The following LTBP1 variants were observed in gnomAD, a reference collection of about 807,000 sequenced individuals.
The protein encoded by LTBP1 is latent transforming growth factor beta binding protein 1.
Under a neutral mutation model 207.6 loss-of-function variants are expected in LTBP1, and 129 were observed. The ratio of observed to expected loss-of-function variants is 0.62; its 90% confidence interval spans 0.54 to 0.72. LTBP1 has a LOEUF of 0.72. Ranked by LOEUF, LTBP1 falls within the 30% of genes least tolerant of loss-of-function variation. LTBP1 has a pLI of 0.00. For missense variants in LTBP1, 2,281 were observed against 2,217.2 expected (o/e 1.03, Z -0.58); for synonymous variants, 963 against 833.7 (o/e 1.16, Z -2.67).
At chr2:33,202,022 A>AACACACACACAGACACACACACACACAC (rs1315145413) in intron 7 of LTBP1, among the ~76,000 whole-genome samples, 89 of 140,666 alleles carry the variant, frequency 6.3e-4, no homozygotes, top group Middle Eastern at 3.5e-3. Flanking sequence ...TTAGCACTGG[A>AACACACACACAGACACACACACACACAC]ACACACACAC....
intron 3 of LTBP1, among the ~76,000 whole-genome samples, chr2:33,065,121 G>A (rs1008818050): frequency 2.6e-5 from 4 of 152,178 alleles, no homozygotes; most frequent in Admixed American, 1.3e-4. Flanking sequence ...ATGAAGGCTT[G>A]TTGTATTTGC....
chr2:33,038,865 A>G (rs1361238911), intron 3 of LTBP1, among the ~76,000 whole-genome samples: 1 of 152,164 alleles, frequency 6.6e-6, no homozygotes, highest in African/African-American at 2.4e-5. Context: ...TCATCTAACC[A>G]GTGGCCAGTG....
chr2:33,373,149 T>C (rs1191441527), intron 31 of LTBP1, among the ~76,000 whole-genome samples: 1 of 152,216 alleles, frequency 6.6e-6, no homozygotes, highest in Non-Finnish European at 1.5e-5. Context: ...GAATGCCACC[T>C]ATTGGCGATG....
At chr2:33,361,619 T>C in intron 28 of LTBP1, 104 bp downstream of exon 28, 2 of 736,168 alleles carry the variant, frequency 2.7e-6, no homozygotes, top group Non-Finnish European at 4.4e-6. Flanking sequence ...TTTTTAGTCA[T>C]GAAAACTGAT....
At chr2:33,280,716 A>G (rs948042546) in intron 19 of LTBP1, among the ~76,000 whole-genome samples, 2 of 152,182 alleles carry the variant, frequency 1.3e-5, no homozygotes, top group Non-Finnish European at 2.9e-5. Context: ...AACTCTGAAT[A>G]TGTGAGTTAA....
chr2:33,285,275 C>G (rs144421896), intron 19 of LTBP1, among the ~76,000 whole-genome samples: 342 of 151,548 alleles, frequency 2.3e-3, no homozygotes, highest in African/African-American at 7.5e-3. Flanking sequence ...CTCCTGACCT[C>G]AGGTGATCCA....
chr2:33,053,481 C>T (rs1305117105), intron 3 of LTBP1, among the ~76,000 whole-genome samples: 1 of 151,980 alleles, frequency 6.6e-6, no homozygotes, highest in East Asian at 1.9e-4. Flanking sequence ...TGACAGCGTG[C>T]TGGCAGCCCT....
chr2:33,259,113 G>T (rs1267264497), intron 12 of LTBP1, among the ~76,000 whole-genome samples: 1 of 152,180 alleles, frequency 6.6e-6, no homozygotes, highest in Non-Finnish European at 1.5e-5. Flanking sequence ...AATACATCAA[G>T]AATGCAGCAC....
chr2:33,029,400 C>T (rs528688803), intron 3 of LTBP1, among the ~76,000 whole-genome samples: 50 of 152,250 alleles, frequency 3.3e-4, no homozygotes, highest in Non-Finnish European at 5.7e-4. Context: ...TCTCTTGAAC[C>T]CGAGAGGTGG....
intron 3 of LTBP1, among the ~76,000 whole-genome samples, chr2:33,106,481 T>G (rs218222): frequency 0.54 from 81,960 of 152,128 alleles, 24,100 homozygotes; most frequent in South Asian, 0.7. Context: ...CACTGCTTTA[T>G]TTATGGGCTA....
intron 7 of LTBP1, among the ~76,000 whole-genome samples, chr2:33,214,216 C>G (rs1048637025): frequency 1.3e-5 from 2 of 152,172 alleles, no homozygotes; most frequent in Non-Finnish European, 1.5e-5. Context: ...CAGGTTGCAA[C>G]GGTGGGGACC....
chr2:33,310,093 G>A (rs559167709), intron 23 of LTBP1, among the ~76,000 whole-genome samples: 142 of 151,900 alleles, frequency 9.3e-4, no homozygotes, highest in Admixed American at 4.4e-3. Flanking sequence ...GATTACAGGC[G>A]CCTGCCACCA....
At position 33,134,657 on chromosome 2, in the gene LTBP1, C is replaced by T. The variant is rs921923425; in HGVS notation, c.1034-136C>T. On this transcript the variant is annotated intron_variant, in intron 4 of 33. Transcript: ENST00000404816. The surrounding 1 kb of genome is among the most constrained non-coding windows in gnomAD (Gnocchi z 4.4). ...GGCTTCCCTCTTTCCTTAAACCTGT[C>T]GGGTTGTGGGCTCTCTCTTTTCCCC... 3.0e-5 allele frequency: 47 copies of T among 1,564,662 alleles called. No individual in the cohort carries two copies. Among genetic ancestry groups the T allele is most frequent in the Admixed American group, 1.7e-4 (9 of 52,836 alleles).
chr2:32,996,836 G>A (rs1324379309), intron 2 of LTBP1, among the ~76,000 whole-genome samples: 1 of 152,166 alleles, frequency 6.6e-6, no homozygotes, highest in African/African-American at 2.4e-5. Flanking sequence ...TTCCTACTGT[G>A]CCACACTGCC....
chr2:33,309,777 C>T (rs2094154186), intron 23 of LTBP1, among the ~76,000 whole-genome samples: 1 of 152,194 alleles, frequency 6.6e-6, no homozygotes, highest in Non-Finnish European at 1.5e-5. Context: ...AGAGCTGTGT[C>T]CTCACTGCGT....
intron 8 of LTBP1, among the ~76,000 whole-genome samples, 183 bp from the exon 9 acceptor site, chr2:33,221,897 T>C (rs1328456121): frequency 6.6e-6 from 1 of 152,136 alleles, no homozygotes; most frequent in Non-Finnish European, 1.5e-5. Context: ...TATTGCAAAA[T>C]AAGTATCCTG....
rs189997946 is a variant in LTBP1, at chr2:33,145,109, A to G, written c.1201+10149A>G. 3.2e-3 allele frequency among the ~76,000 whole-genome samples: 483 copies of G among 152,312 alleles called. 2 individuals carry two copies. Among genetic ancestry groups the G allele is most frequent in the Non-Finnish European group, 3.4e-3 (233 of 68,016 alleles). On this transcript the variant is annotated intron_variant, in intron 5 of 33. Transcript: ENST00000404816. ...AATTTAATGTGATACTGTCATTGAT[A>G]TACTTATTAAAACTTGATTTTCTAT...
intron 9 of LTBP1, among the ~76,000 whole-genome samples, chr2:33,232,557 A>G (rs2091848605): frequency 2.0e-5 from 3 of 152,146 alleles, no homozygotes; most frequent in Non-Finnish European, 4.4e-5. Context: ...TGATGGCAGT[A>G]TTTCTTGTAT....
intron 6 of LTBP1, among the ~76,000 whole-genome samples, chr2:33,187,654 G>T (rs2087355766): frequency 6.6e-6 from 1 of 152,178 alleles, no homozygotes; most frequent in African/African-American, 2.4e-5. Flanking sequence ...GAAGTTTACT[G>T]GCTCTAATTC....
Sources: allele counts gnomAD v4.1 joint callset (sites outside exome capture counted in the v4.1 genomes callset), GRCh38; gene constraint gnomAD v4.1.1; non-coding constraint Gnocchi (gnomAD v3.1); transcripts MANE v1.5; gene names NCBI Gene and HGNC (gene_info 2026-07-23, HGNC 2026-07-21).